Variants in AOPEP observed in about 807,000 individuals in gnomAD.
The protein encoded by AOPEP is aminopeptidase O (putative).
Under a neutral mutation model 98.1 loss-of-function variants are expected in AOPEP, and 77 were observed. That is an observed-to-expected ratio of 0.78 (90% CI 0.65 to 0.95). The LOEUF (loss-of-function observed/expected upper bound fraction) is 0.95. AOPEP is among the 40% of genes least tolerant of loss of function. The probability of loss-of-function intolerance (pLI) is 0.00; values close to 1 mark genes in which losing one functional copy is unlikely to be tolerated. For missense variants in AOPEP, 1,024 were observed against 1,024.7 expected (o/e 1.00, Z 0.01); for synonymous variants, 346 against 365.3 (o/e 0.95, Z 0.60).
chr9:95,128,990 A>T, the AOPEP span, among the ~76,000 whole-genome samples: 1 of 151,502 alleles, frequency 6.6e-6, no homozygotes, highest in African/African-American at 2.4e-5. Context: ...GCAACCTCCA[A>T]CTCCTGGGTT....
At chr9:95,055,357 T>C (rs1205852547) in intron 13 of AOPEP, among the ~76,000 whole-genome samples, 1 of 152,226 alleles carries the variant, frequency 6.6e-6, no homozygotes, top group Non-Finnish European at 1.5e-5. Context: ...CTTTTTGGAT[T>C]ATGAGGAGGG....
intron 7 of AOPEP, among the ~76,000 whole-genome samples, chr9:94,936,125 A>T (rs1001981014): frequency 1.3e-5 from 2 of 151,896 alleles, no homozygotes; most frequent in Admixed American, 1.3e-4. Context: ...AGTGTTTTCT[A>T]TTTTCTACTT....
intron 9 of AOPEP, among the ~76,000 whole-genome samples, chr9:94,966,830 C>T (rs1159084784): frequency 6.6e-6 from 1 of 152,108 alleles, no homozygotes; most frequent in Non-Finnish European, 1.5e-5. Context: ...ATCAAGATTC[C>T]AGAATGAAAT....
intron 3 of AOPEP, among the ~76,000 whole-genome samples, chr9:94,778,828 G>A (rs1206086300): frequency 6.6e-6 from 1 of 152,100 alleles, no homozygotes; most frequent in Non-Finnish European, 1.5e-5. Context: ...AGGAGTTCAA[G>A]ACCAGCCTGG....
the AOPEP span, among the ~76,000 whole-genome samples, chr9:95,141,557 G>C: frequency 6.6e-6 from 1 of 151,748 alleles, no homozygotes; most frequent in Admixed American, 6.6e-5. Flanking sequence ...ATTGTAGGTC[G>C]GCCCTTTCTT....
rs1487992963 is a variant in AOPEP at position 95,022,993 on chromosome 9, TCAGA to T, written c.2115+17380_2115+17383del. On this transcript the variant is annotated intron_variant, in intron 13 of 16. Coordinates refer to ENST00000375315, the MANE Select transcript of AOPEP (RefSeq NM_001193329.3). ...AGTCCGGAATGACATGGGTTTGTGATCAGACAAACTGATTGAAATCCCACCTTTT... is the reference window on the plus strand; with the variant it reads ...AGTCCGGAATGACATGGGTTTGTGATCAAACTGATTGAAATCCCACCTTTT... 2.6e-5 allele frequency among the ~76,000 whole-genome samples: 4 copies of T among 152,192 alleles called. No individual in the cohort carries two copies. In the East Asian group the frequency reaches 5.8e-4, roughly 22 times the overall value.
chr9:94,856,712 G>A (rs1407137515), intron 5 of AOPEP, among the ~76,000 whole-genome samples: 2 of 149,870 alleles, frequency 1.3e-5, no homozygotes, highest in Non-Finnish European at 3.0e-5. Context: ...GTATTACAAA[G>A]AATTGGTAAA....
At chr9:94,829,592 G>C (rs1462565463) in intron 5 of AOPEP, among the ~76,000 whole-genome samples, 1 of 152,162 alleles carries the variant, frequency 6.6e-6, no homozygotes, top group Non-Finnish European at 1.5e-5. Flanking sequence ...TCAGCAGCTG[G>C]CTGCAGCTGC....
intron 13 of AOPEP, among the ~76,000 whole-genome samples, chr9:95,016,728 T>C (rs1225779645): frequency 2.6e-5 from 4 of 151,676 alleles, no homozygotes; most frequent in Non-Finnish European, 5.9e-5. Flanking sequence ...TCCTCCTGCC[T>C]CAGCCTCCTG....
chr9:95,106,234 C>G, the AOPEP span, among the ~76,000 whole-genome samples: 1 of 152,358 alleles, frequency 6.6e-6, no homozygotes, highest in African/African-American at 2.4e-5. Flanking sequence ...CATCTCCCCA[C>G]ATGCCTACTG....
chr9:94,747,378 G>A (rs1834753119), intron 1 of AOPEP, among the ~76,000 whole-genome samples: 1 of 152,102 alleles, frequency 6.6e-6, no homozygotes, highest in South Asian at 2.1e-4. Flanking sequence ...TATGAGTTTT[G>A]TAGTGAAAGA....
intron 13 of AOPEP, among the ~76,000 whole-genome samples, chr9:95,027,207 A>C (rs1442799800): frequency 6.6e-6 from 1 of 152,178 alleles, no homozygotes; most frequent in Non-Finnish European, 1.5e-5. Context: ...GGCTGCAGTG[A>C]GCTGTGACCA....
rs1459076523 is a variant in AOPEP, at chr9:95,018,232, C to T, written c.2115+12616C>T. Among the ~76,000 whole-genome samples the T allele has an allele frequency of 6.6e-5, 10 of 152,298 alleles. No homozygotes were observed. In the East Asian group the frequency reaches 7.7e-4, roughly 12 times the overall value. On this transcript the variant is annotated intron_variant, in intron 13 of 16. Coordinates refer to ENST00000375315, the MANE Select transcript of AOPEP (RefSeq NM_001193329.3). ...TAGACTGTTTTCCAAAGTACCTGTA[C>T]CATTTTACATTTCCACCAGCAGTGT...
At chr9:95,149,845 TAC>T in the AOPEP span, 1 of 1,485,382 alleles carries the variant, frequency 6.7e-7, no homozygotes, top group Non-Finnish European at 9.2e-7. Flanking sequence ...ACTGCTGTCG[TAC>T]AGTCTTTCCA....
At chr9:94,881,994 G>C (rs1052628240) in intron 5 of AOPEP, among the ~76,000 whole-genome samples, 13 of 152,152 alleles carry the variant, frequency 8.5e-5, no homozygotes, top group African/African-American at 3.1e-4. Context: ...AGGTCAGGGA[G>C]TCCTGGATTG....
chr9:95,120,682 C>G, the AOPEP span, among the ~76,000 whole-genome samples: 1 of 152,200 alleles, frequency 6.6e-6, no homozygotes, highest in African/African-American at 2.4e-5. Flanking sequence ...CCCACCTTGG[C>G]CTCCTAAAGT....
At chr9:95,080,166 C>G (rs1587950932) in intron 14 of AOPEP, among the ~76,000 whole-genome samples, 1 of 152,208 alleles carries the variant, frequency 6.6e-6, no homozygotes. Context: ...GTGAAACACC[C>G]AACAGAAACA....
At chr9:94,992,025 A>G (rs889594863) in intron 11 of AOPEP, among the ~76,000 whole-genome samples, 56 of 152,366 alleles carry the variant, frequency 3.7e-4, no homozygotes, top group African/African-American at 1.3e-3. Context: ...CAAAAAGTGT[A>G]TCTTGATGTA....
At chr9:94,912,827 A>G (rs1260767518) in intron 5 of AOPEP, among the ~76,000 whole-genome samples, 1 of 152,252 alleles carries the variant, frequency 6.6e-6, no homozygotes, top group Non-Finnish European at 1.5e-5. Context: ...TGAGGAAAGA[A>G]GTGCACACAG....
Sources: gnomAD v4.1 joint callset for allele counts (sites outside exome capture counted in the v4.1 genomes callset) on GRCh38, gnomAD v4.1.1 for gene constraint, MANE v1.5 for transcripts, NCBI Gene and HGNC (gene_info 2026-07-23, HGNC 2026-07-21) for gene names.